The following PRKD1 variants were observed in gnomAD, a reference collection of about 807,000 sequenced individuals.
PRKD1 encodes the protein serine/threonine-protein kinase D1.
PRKD1 carries 63 observed loss-of-function variants against 95.9 expected under a neutral mutation model. The ratio of observed to expected loss-of-function variants is 0.66; its 90% CI spans 0.54 to 0.81. The LOEUF (loss-of-function observed/expected upper bound fraction) is 0.81, where lower values mean the gene tolerates loss of function less well. PRKD1 is among the 30% of genes least tolerant of loss of function. PRKD1 has a pLI of 0.00. For synonymous variants in PRKD1, 425 were observed against 423.1 expected (o/e 1.00, Z -0.05); for missense variants, 1,048 against 1,165.3 (o/e 0.90, Z 1.47).
chr14:29,795,706 T>C (rs911569675), intron 1 of PRKD1, among the ~76,000 whole-genome samples: 1 of 152,130 alleles, frequency 6.6e-6, no homozygotes, highest in Non-Finnish European at 1.5e-5. Flanking sequence ...CAATTCCAGA[T>C]ATTAAAACAA....
intron 13 of PRKD1, among the ~76,000 whole-genome samples, chr14:29,619,462 C>G (rs1879097609): frequency 6.6e-6 from 1 of 152,134 alleles, no homozygotes; most frequent in Non-Finnish European, 1.5e-5. Context: ...ATGCCAGGAA[C>G]AATTTCTGGC....
intron 13 of PRKD1, among the ~76,000 whole-genome samples, chr14:29,611,063 T>C (rs1011450816): frequency 1.1e-4 from 16 of 152,250 alleles, no homozygotes; most frequent in Non-Finnish European, 1.9e-4. Context: ...TGATACTATA[T>C]GATGGATACA....
chr14:29,658,297 A>G (rs935403776), intron 4 of PRKD1, among the ~76,000 whole-genome samples: 1 of 152,162 alleles, frequency 6.6e-6, no homozygotes, highest in Non-Finnish European at 1.5e-5. Context: ...TGTTTCCCAA[A>G]GTGCATGTAC....
At chr14:29,828,757 T>C (rs1291923510) in intron 1 of PRKD1, among the ~76,000 whole-genome samples, 1 of 152,162 alleles carries the variant, frequency 6.6e-6, no homozygotes, top group African/African-American at 2.4e-5. Flanking sequence ...CTGAATTAGA[T>C]ATAAACACCT....
chr14:29,658,920 C>A (rs1398080734), intron 4 of PRKD1, among the ~76,000 whole-genome samples: 1 of 152,160 alleles, frequency 6.6e-6, no homozygotes, highest in Admixed American at 6.5e-5. Context: ...ACATTTCATT[C>A]TTTTCTCACA....
At chr14:29,830,327 G>C (rs943471666) in intron 1 of PRKD1, among the ~76,000 whole-genome samples, 3 of 152,116 alleles carry the variant, frequency 2.0e-5, no homozygotes, top group African/African-American at 7.2e-5. Flanking sequence ...TTGAAATATG[G>C]CTTAATGGGC....
chr14:29,720,010 T>C (rs1301314760), intron 2 of PRKD1, among the ~76,000 whole-genome samples: 2 of 152,226 alleles, frequency 1.3e-5, no homozygotes, highest in East Asian at 3.9e-4. Context: ...ATAATTCCTT[T>C]AAAGTTGTTT....
chr14:29,766,739 C>CA (rs894948927), intron 1 of PRKD1, among the ~76,000 whole-genome samples: 2 of 151,896 alleles, frequency 1.3e-5, no homozygotes, highest in African/African-American at 2.4e-5. Context: ...CTTTAGAATG[C>CA]AAAAAATGAG....
At chr14:29,833,013 G>C (rs1037273447) in intron 1 of PRKD1, among the ~76,000 whole-genome samples, 4 of 151,930 alleles carry the variant, frequency 2.6e-5, no homozygotes, top group Non-Finnish European at 5.9e-5. Context: ...AGCTCCCTGC[G>C]AAGTTGGAAA....
intron 1 of PRKD1, among the ~76,000 whole-genome samples, chr14:29,753,995 G>C (rs1249065576): frequency 1.3e-5 from 2 of 152,110 alleles, no homozygotes; most frequent in Admixed American, 1.3e-4. Flanking sequence ...TAATTAAATA[G>C]TGCTAGACTG....
At chr14:29,578,543 T>TAAAAAAA (rs992449669) in intron 16 of PRKD1, among the ~76,000 whole-genome samples, 183 bp from the exon 17 acceptor site, 64 of 42,682 alleles carry the variant, frequency 1.5e-3, no homozygotes, top group African/African-American at 3.1e-3. Flanking sequence ...TTTTGGATAC[T>TAAAAAAA]AAAAAAAAAA....
At chr14:29,754,557 A>C (rs1887612623) in intron 1 of PRKD1, among the ~76,000 whole-genome samples, 1 of 152,068 alleles carries the variant, frequency 6.6e-6, no homozygotes, top group Admixed American at 6.6e-5. Context: ...TAGTAAAACA[A>C]TTTTTCCAAT....
intron 16 of PRKD1, chr14:29,592,739 A>G (rs1566472320): frequency 6.6e-6 from 1 of 152,172 alleles, no homozygotes; most frequent in Non-Finnish European, 1.5e-5. Context: ...ACCATATCAG[A>G]AAAGAAAACT....
intron 1 of PRKD1, among the ~76,000 whole-genome samples, chr14:29,805,422 A>G (rs1249648145): frequency 6.6e-6 from 1 of 152,266 alleles, no homozygotes; most frequent in Non-Finnish European, 1.5e-5. Context: ...ATTACAAAAA[A>G]AGAAAATTAA....
At chr14:29,652,762 T>C (rs892412479) in intron 4 of PRKD1, 6 of 152,240 alleles carry the variant, frequency 3.9e-5, no homozygotes. Context: ...ATCACCAGGA[T>C]TCCTGGAATT....
intron 2 of PRKD1, among the ~76,000 whole-genome samples, chr14:29,683,266 C>A (rs750394786): frequency 5.9e-4 from 90 of 152,110 alleles, no homozygotes; most frequent in African/African-American, 2.0e-3. Flanking sequence ...ATTAATATGG[C>A]GAGAATTGAA....
chr14:29,847,552 A>C (rs1218502224), intron 1 of PRKD1, among the ~76,000 whole-genome samples: 6 of 152,276 alleles, frequency 3.9e-5, no homozygotes, highest in South Asian at 2.1e-4. Context: ...TTAAAAAAAA[A>C]CAAATCTTTA....
At chr14:29,909,897 C>G (rs1182077964) in intron 1 of PRKD1, among the ~76,000 whole-genome samples, 1 of 152,154 alleles carries the variant, frequency 6.6e-6, no homozygotes, top group Non-Finnish European at 1.5e-5. Flanking sequence ...ACTGGGAGAA[C>G]TTTTGTGTCC....
chr14:29,588,768 A>G (rs1420195820), intron 16 of PRKD1, among the ~76,000 whole-genome samples: 1 of 150,166 alleles, frequency 6.7e-6, no homozygotes, highest in African/African-American at 2.4e-5. Flanking sequence ...GGCATTTCCT[A>G]TGCTTTGCAT....
Sources: gnomAD v4.1 joint callset for allele counts (sites outside exome capture counted in the v4.1 genomes callset) on GRCh38, gnomAD v4.1.1 for gene constraint, MANE v1.5 for transcripts, NCBI Gene and HGNC (gene_info 2026-07-23, HGNC 2026-07-21) for gene names.